Variants in CYLD observed in about 807,000 individuals in gnomAD.
CYLD encodes CYLD lysine 63 deubiquitinase.
In CYLD, 26 loss-of-function variants were observed where a neutral mutation model predicts 104.5. The observed-to-expected ratio is 0.25, with a 90% confidence interval of 0.18 to 0.35. The LOEUF is 0.35. Among genes scored for constraint, CYLD ranks in the 10% least tolerant of loss-of-function variants. CYLD has a pLI of 1.00. For missense variants in CYLD, 703 were observed against 1,136.1 expected (o/e 0.62, Z 5.48); for synonymous variants, 385 against 399.9 (o/e 0.96, Z 0.45).
chr16:50,772,507 A>G (rs967607989), intron 5 of CYLD, among the ~76,000 whole-genome samples: 2 of 152,230 alleles, frequency 1.3e-5, no homozygotes, highest in Non-Finnish European at 2.9e-5. Context: ...ATTTCATATT[A>G]GTACATAAGT....
intron 5 of CYLD, among the ~76,000 whole-genome samples, chr16:50,755,350 A>C (rs1012551354): frequency 6.6e-6 from 1 of 152,022 alleles, no homozygotes; most frequent in African/African-American, 2.4e-5. Context: ...TGCATGTGCA[A>C]GTATCTTTTT....
At chr16:50,746,664 A>G (rs959448615) in intron 2 of CYLD, among the ~76,000 whole-genome samples, 1 of 152,214 alleles carries the variant, frequency 6.6e-6, no homozygotes, top group African/African-American at 2.4e-5. Flanking sequence ...AGTTCACTTT[A>G]AAATATGGTA....
At chr16:50,787,092 T>A in intron 13 of CYLD, 146 bp downstream of exon 13, 1 of 686,364 alleles carries the variant, frequency 1.5e-6, no homozygotes, top group East Asian at 2.7e-5. Flanking sequence ...TTAGCTCCTC[T>A]TTTTGTAAAT....
Position 50,801,229 on chromosome 16 carries a change from T to C in CYLD, c.*4721T>C, listed in dbSNP as rs1972438776. ...ATTAACCAGCAAGTGTGGCCAAGGA[T>C]AATGAAAAAGTGGGAAAGGAAGGTC... On this transcript the variant is annotated 3_prime_UTR_variant, in exon 19 of 19. Transcript: ENST00000427738. The C allele has an allele frequency of 4.3e-6, 1 of 233,318 alleles. No individual in the cohort carries two copies. Among genetic ancestry groups the C allele is most frequent in the South Asian group, 1.8e-4 (1 of 5,522 alleles). 14.5% of individuals were successfully genotyped at this position (233,318 alleles called of 1,614,324 possible). A position where few individuals can be genotyped will look rare whatever the true frequency, so the allele number is the denominator to read the frequency against.
intron 12 of CYLD, 120 bp downstream of exon 12, chr16:50,784,571 T>A: frequency 1.9e-6 from 2 of 1,080,538 alleles, no homozygotes; most frequent in Non-Finnish European, 1.4e-6. Flanking sequence ...AATTAGTTCT[T>A]ATGGTAAAAT....
At chr16:50,775,247 C>T (rs1969552388) in intron 6 of CYLD, 73 bp downstream of exon 6, 2 of 1,120,076 alleles carry the variant, frequency 1.8e-6, no homozygotes, top group South Asian at 2.6e-5. Context: ...ACTTTTCACA[C>T]TGCCTCTTCT....
chr16:50,742,107 G>C lies in CYLD; in HGVS notation c.-221G>C, dbSNP rs751185646. On this transcript the variant is annotated 5_prime_UTR_variant, in exon 1 of 19. Transcript: ENST00000427738. Reference sequence around the variant, plus strand: ...GCCCAGGTAGCAGGTTTGGCTGCGCGGGGGCCGCGCGTCGGAGGTAAATAC... The same window carrying C: ...GCCCAGGTAGCAGGTTTGGCTGCGCCGGGGCCGCGCGTCGGAGGTAAATAC... The C allele has an allele frequency of 6.6e-6, 1 of 152,456 alleles. No individual in the cohort carries two copies. The highest frequency in any genetic ancestry group is 6.5e-5 in the Admixed American group (1 of 15,292). 9.4% of individuals were successfully genotyped at this position (152,456 alleles called of 1,614,324 possible). A position where few individuals can be genotyped will look rare whatever the true frequency, so the allele number is the denominator to read the frequency against.
chr16:50,790,862 A>T (rs559560690), intron 14 of CYLD, among the ~76,000 whole-genome samples: 66 of 152,226 alleles, frequency 4.3e-4, no homozygotes, highest in Non-Finnish European at 3.1e-4. Flanking sequence ...TCCTTCTGGT[A>T]GAGTTAAAGA....
chr16:50,755,063 A>G (rs886970098), intron 5 of CYLD, among the ~76,000 whole-genome samples: 8 of 129,190 alleles, frequency 6.2e-5, no homozygotes, highest in Non-Finnish European at 1.3e-4. Context: ...ATATATACAT[A>G]TAGATATGTA....
Position 50,791,694 on chromosome 16 carries a change from A to G in CYLD, c.2241+4A>G, listed in dbSNP as rs748197406. On this transcript the variant is annotated splice_donor_region_variant and intron_variant, in intron 15 of 18. Coordinates refer to ENST00000427738, the MANE Select transcript of CYLD (RefSeq NM_001378743.1). ...CAGTAACCTGAAATTTGCAGAGGTT[A>G]GTGATACTCACCTGTGGTATTTTAT... 4 of 1,613,774 alleles carry G rather than the reference A, an allele frequency of 2.5e-6. No homozygotes were observed. The highest frequency in any genetic ancestry group is 3.3e-4 in the Middle Eastern group (2 of 6,058).
chr16:50,778,372 G>A (rs1969890920), intron 8 of CYLD: 1 of 162,678 alleles, frequency 6.1e-6, no homozygotes, highest in Non-Finnish European at 1.3e-5. Context: ...AAAATGGTGA[G>A]AAAAAATAGA....
At position 50,800,322 on chromosome 16, in the gene CYLD, C is replaced by G. The variant is rs1406952228; in HGVS notation, c.*3814C>G. On this transcript the variant is annotated 3_prime_UTR_variant, in exon 19 of 19. Transcript: ENST00000427738. ...ACCAGCCAGGTGTGAAATCTGCTAA[C>G]TGGAAGATCTCAAAGCTTCCTTCAC... is the stretch of plus-strand genomic sequence containing the variant. The G allele has an allele frequency of 4.3e-6, 1 of 233,322 alleles. No individual in the cohort carries two copies. Among genetic ancestry groups the G allele is most frequent in the East Asian group, 6.0e-5 (1 of 16,732 alleles). The allele number at this position is 233,322 out of a possible 1,614,324, so 14.5% of individuals were successfully genotyped here. A position where few individuals can be genotyped will look rare whatever the true frequency, so the allele number is the denominator to read the frequency against.
intron 5 of CYLD, among the ~76,000 whole-genome samples, chr16:50,772,448 A>G (rs1390638231): frequency 6.6e-6 from 1 of 152,212 alleles, no homozygotes; most frequent in East Asian, 1.9e-4. Flanking sequence ...TCTTCCCAGA[A>G]GTAGAAGTTG....
intron 5 of CYLD, among the ~76,000 whole-genome samples, chr16:50,761,385 A>G (rs937433793): frequency 2.0e-5 from 3 of 152,160 alleles, no homozygotes; most frequent in African/African-American, 4.8e-5. Flanking sequence ...ACCACTATCT[A>G]TTTCCAGAAA....
chr16:50,747,317 G>A (rs775556310), intron 2 of CYLD, among the ~76,000 whole-genome samples: 3 of 152,184 alleles, frequency 2.0e-5, no homozygotes, highest in Non-Finnish European at 4.4e-5. Context: ...AAGCAACAAG[G>A]CCGTAAAAGG....
chr16:50,779,325 G>T (rs1480930245), intron 8 of CYLD, among the ~76,000 whole-genome samples: 3 of 151,816 alleles, frequency 2.0e-5, no homozygotes, highest in Non-Finnish European at 4.4e-5. Context: ...TGATCCATTA[G>T]ATATATAGAA....
chr16:50,782,499 A>G (rs747983239), intron 11 of CYLD, 33 bp downstream of exon 11: 1 of 1,610,278 alleles, frequency 6.2e-7, no homozygotes, highest in Non-Finnish European at 8.5e-7. Flanking sequence ...AGGTATAGAT[A>G]GTGCCATGAG....
chr16:50,751,492 G>A (rs1966613118), intron 3 of CYLD, 112 bp from the exon 4 acceptor site: 2 of 806,250 alleles, frequency 2.5e-6, no homozygotes, highest in African/African-American at 1.7e-5. Flanking sequence ...CTTATTATAT[G>A]TATCATTTAG....
At position 50,791,928 on chromosome 16, in the gene CYLD, C is replaced by T. The variant is rs538676754; in HGVS notation, c.2241+238C>T. On this transcript the variant is annotated intron_variant, in intron 15 of 18. Coordinates refer to ENST00000427738, the MANE Select transcript of CYLD (RefSeq NM_001378743.1). Reference sequence around the variant, plus strand: ...CCAAAGAAAACACCAAGCTAATCTGCGTAACTTGAAAACTTTTAGGTAGTT... The same window carrying T: ...CCAAAGAAAACACCAAGCTAATCTGTGTAACTTGAAAACTTTTAGGTAGTT... 1.1e-4 allele frequency among the ~76,000 whole-genome samples: 17 copies of T among 152,276 alleles called. No homozygotes were observed. The South Asian group carries it at 1.2e-3, about 11-fold the overall frequency.
Sources: allele counts gnomAD v4.1 joint callset (sites outside exome capture counted in the v4.1 genomes callset), GRCh38; gene constraint gnomAD v4.1.1; transcripts MANE v1.5; gene names NCBI Gene and HGNC (gene_info 2026-07-23, HGNC 2026-07-21).